The following IL15RA variants were observed in gnomAD, a reference collection of about 807,000 sequenced individuals.
IL15RA encodes the protein interleukin 15 receptor subunit alpha.
IL15RA carries 26 observed loss-of-function variants against 24.2 expected under a neutral mutation model. The observed-to-expected ratio is 1.07, with a 90% CI of 0.79 to 1.49. IL15RA has a LOEUF of 1.49. Ranked by LOEUF, IL15RA falls within the 40% of genes most tolerant of loss-of-function variation. The probability of loss-of-function intolerance (pLI) is 0.00; values close to 1 mark genes in which losing one functional copy is unlikely to be tolerated. For synonymous variants in IL15RA, 166 were observed against 157.6 expected, an observed-to-expected ratio of 1.05 and a Z score of -0.40; for missense variants, 354 against 356.4, an observed-to-expected ratio of 0.99 and a Z score of 0.05.
rs1011730381 is a variant in IL15RA, at chr10:5,962,762, C to G, written c.382+981G>C. 2.0e-5 allele frequency among the ~76,000 whole-genome samples: 3 copies of G among 152,032 alleles called. No homozygotes were observed. Among genetic ancestry groups the G allele is most frequent in the Admixed American group, 2.0e-4 (3 of 15,262 alleles). The stretch of plus-strand genomic sequence containing the variant: ...TATGAATGACAACAGACAGGCCCAT[C>G]CCCCCGGGGGCAAAGGAGTAGACAG... On this transcript the variant is annotated intron_variant, in intron 3 of 6. Coordinates refer to ENST00000379977, the MANE Select transcript of IL15RA (RefSeq NM_002189.4). The surrounding 1 kb of genome is among the most constrained non-coding windows in gnomAD (Gnocchi z 5.2).
In IL15RA at chr10:5,953,071, T is replaced by C; in HGVS notation, c.*24A>G. 1 of 1,547,590 alleles carries C rather than the reference T, an allele frequency of 6.5e-7. No individual in the cohort carries two copies. Among genetic ancestry groups the C allele is most frequent in the Non-Finnish European group, 8.9e-7 (1 of 1,119,072 alleles). On this transcript the variant is annotated 3_prime_UTR_variant, in exon 7 of 7. Transcript: ENST00000379977. This position sits in a 1 kb window ranked among gnomAD's most constrained non-coding sequence, Gnocchi z 5.3. ...CAGAGAGGCTCCTTCACTCCGGACT[T>C]AGCTGGGCTGGTTTCCCCGAGTTTC...
At position 5,976,441 on chromosome 10, in the gene IL15RA, G is replaced by T. The variant is rs531137384; in HGVS notation, c.88+964C>A. 2.0e-5 allele frequency among the ~76,000 whole-genome samples: 3 copies of T among 152,266 alleles called. No individual in the cohort carries two copies. In the East Asian group the frequency reaches 5.8e-4, roughly 29 times the overall value. ...TCATGGCGTTACTAATTCCTATAGA[G>T]AGTCCATGGATGGCCTTCAGTGGGG... On this transcript the variant is annotated intron_variant, in intron 1 of 6. Transcript: ENST00000379977.
chr10:5,969,846 C>A (rs1321206874), intron 1 of IL15RA, among the ~76,000 whole-genome samples: 4 of 152,190 alleles, frequency 2.6e-5, no homozygotes, highest in Non-Finnish European at 5.9e-5. Context: ...TGCAATTTCT[C>A]CAGAAATGTT....
chr10:5,959,419 A>C lies in IL15RA; in HGVS notation c.616+335T>G, dbSNP rs1209916693. Among the ~76,000 whole-genome samples, 1 of 152,176 alleles carries C rather than the reference A, an allele frequency of 6.6e-6. No homozygotes were observed. The highest frequency in any genetic ancestry group is 1.5e-5 in the Non-Finnish European group (1 of 68,026). ...GAGATGCTGTAACGTCAGTGCTGGC[A>C]TCAGCACCTGTAGTTTTGGATGCTC... is the stretch of plus-strand genomic sequence containing the variant. On this transcript the variant is annotated intron_variant, in intron 5 of 6. Transcript: ENST00000379977. This position sits in a 1 kb window ranked among gnomAD's most constrained non-coding sequence, Gnocchi z 4.1.
rs1275145264 is a variant in IL15RA, at chr10:5,975,050, A to G, written c.88+2355T>C. Among the ~76,000 whole-genome samples the G allele has an allele frequency of 1.3e-5, 2 of 151,916 alleles. No homozygotes were observed. Among genetic ancestry groups the G allele is most frequent in the Non-Finnish European group, 2.9e-5 (2 of 67,980 alleles). ...AAAAAAAATTAAACATACACCTGCC[A>G]TATAACACAGCCACTCTACTCCCAA... On this transcript the variant is annotated intron_variant, in intron 1 of 6. Transcript: ENST00000379977. The surrounding 1 kb of genome is among the most constrained non-coding windows in gnomAD (Gnocchi z 4.8).
At chr10:5,976,052 G>T (rs1396289263) in intron 1 of IL15RA, among the ~76,000 whole-genome samples, 1 of 152,220 alleles carries the variant, frequency 6.6e-6, no homozygotes, top group Non-Finnish European at 1.5e-5. Context: ...CAGTCTTCAA[G>T]GAAGACACCT....
At chr10:5,977,285 C>T (rs2274034) in intron 1 of IL15RA, 120 bp downstream of exon 1, 194,246 of 424,044 alleles carry the variant, frequency 0.46, 44,821 homozygotes, top group East Asian at 0.54. Context: ...GCGCACCGCG[C>T]TCCCGAGGGC....
At position 5,960,524 on chromosome 10, in the gene IL15RA, T is replaced by C. The variant is rs1835322425; in HGVS notation, c.426A>G (p.Thr142=). ...SSPSSNNTAA[T]TAAIVPGSQL... is the part of the protein sequence containing the mutation. Reference sequence around the variant, plus strand: ...GGGAGCCCGGGACAATAGCTGCTGTTGTGGCCGCTGTGTTGTTTGAGCTGG... The same window carrying C: ...GGGAGCCCGGGACAATAGCTGCTGTCGTGGCCGCTGTGTTGTTTGAGCTGG... Residue 142 remains threonine, a synonymous_variant, in exon 4 of 7, where the codon ACA becomes ACG. Transcript: ENST00000379977. The surrounding 1 kb of genome is among the most constrained non-coding windows in gnomAD (Gnocchi z 5.1). 5 of 1,614,184 alleles carry C rather than the reference T, an allele frequency of 3.1e-6. No individual in the cohort carries two copies. Among genetic ancestry groups the C allele is most frequent in the Non-Finnish European group, 4.2e-6 (5 of 1,180,026 alleles).
In IL15RA at chr10:5,977,457, G is replaced by A. The variant is rs1274360352; in HGVS notation, c.36C>T (p.Leu12=). 9.5e-6 allele frequency: 13 copies of A among 1,365,640 alleles called. No individual in the cohort carries two copies. The highest frequency in any genetic ancestry group is 1.2e-5 in the Non-Finnish European group (13 of 1,060,688). The allele number at this position is 1,365,640 out of a possible 1,614,324, so 84.6% of individuals were successfully genotyped here. ...GCAGCAGTAGCAGCGCCGGGAGACCGAGGGTCCGGCAGCCGCGCGCCCGCC... is the reference window on the plus strand; with the variant it reads ...GCAGCAGTAGCAGCGCCGGGAGACCAAGGGTCCGGCAGCCGCGCGCCCGCC... ...APRRARGCRT[L]GLPALLLLLL... The change falls in exon 1 of 7, where the codon CTC becomes CTT. Residue 12 remains leucine (L), a synonymous_variant. Transcript: ENST00000379977.
rs1027899511 is a variant in IL15RA at position 5,973,261 on chromosome 10, A to T, written c.88+4144T>A. ...CACCTTAGTGATATTGATTTGTCCA[A>T]CCCATGAACATGGTATATCTCTCCA... On this transcript the variant is annotated intron_variant, in intron 1 of 6. Coordinates refer to ENST00000379977, the MANE Select transcript of IL15RA (RefSeq NM_002189.4). This position sits in a 1 kb window ranked among gnomAD's most constrained non-coding sequence, Gnocchi z 4.5. 1.3e-5 allele frequency among the ~76,000 whole-genome samples: 2 copies of T among 152,330 alleles called. No individual in the cohort carries two copies. Among genetic ancestry groups the T allele is most frequent in the East Asian group, 3.9e-4 (2 of 5,194 alleles).
chr10:5,964,252 G>A lies in IL15RA; in HGVS notation c.284-411C>T, dbSNP rs1024312647. Among the ~76,000 whole-genome samples the A allele has an allele frequency of 4.6e-5, 7 of 152,132 alleles. No homozygotes were observed. The highest frequency in any genetic ancestry group is 1.3e-4 in the Admixed American group (2 of 15,288). Reference sequence around the variant, plus strand: ...CAACTCACTGCAGCCTTGACCTCCCGGGCTCAAGAGATCCTCCTGCCTCAG... The same window carrying A: ...CAACTCACTGCAGCCTTGACCTCCCAGGCTCAAGAGATCCTCCTGCCTCAG... On this transcript the variant is annotated intron_variant, in intron 2 of 6. Transcript: ENST00000379977. The surrounding 1 kb of genome is among the most constrained non-coding windows in gnomAD (Gnocchi z 5.6).
At chr10:5,972,397 A>G (rs555057194) in intron 1 of IL15RA, among the ~76,000 whole-genome samples, 1 of 152,322 alleles carries the variant, frequency 6.6e-6, no homozygotes, top group East Asian at 1.9e-4. Flanking sequence ...TTTTTGAGAC[A>G]GAGTCTCGCT....
chr10:5,974,703 C>T (rs972587580), intron 1 of IL15RA, among the ~76,000 whole-genome samples: 10 of 151,872 alleles, frequency 6.6e-5, no homozygotes, highest in Non-Finnish European at 1.2e-4. Flanking sequence ...ATGGTGAAAC[C>T]CCATCTCTAC....
At position 5,959,727 on chromosome 10, in the gene IL15RA, A is replaced by G. The variant is rs752323821; in HGVS notation, c.616+27T>C. 62 of 1,611,116 alleles carry G rather than the reference A, an allele frequency of 3.8e-5. No individual in the cohort carries two copies. The highest frequency in any genetic ancestry group is 4.4e-5 in the South Asian group (4 of 90,992). Reference sequence around the variant, plus strand: ...GGGACTGCGGTCACCCTGATCATAAACATACCGGACAAAGGGACACACTTA... The same window carrying G: ...GGGACTGCGGTCACCCTGATCATAAGCATACCGGACAAAGGGACACACTTA... On this transcript the variant is annotated intron_variant, in intron 5 of 6. Transcript: ENST00000379977. This position sits in a 1 kb window ranked among gnomAD's most constrained non-coding sequence, Gnocchi z 4.1.
chr10:5,970,733 ATTATTATT>A lies in IL15RA; in HGVS notation c.89-4402_89-4395del, dbSNP rs1314604819. ...TTTTAAAATGATTTTATTTTATTTC[ATTATTATT>A]TTATTTTATTTTATTTTATTTTATT... On this transcript the variant is annotated intron_variant, in intron 1 of 6. Transcript: ENST00000379977. This position sits in a 1 kb window ranked among gnomAD's most constrained non-coding sequence, Gnocchi z 4.1. Among the ~76,000 whole-genome samples, 1 of 141,272 alleles carries A rather than the reference ATTATTATT, an allele frequency of 7.1e-6. No individual in the cohort carries two copies. Among genetic ancestry groups the A allele is most frequent in the Non-Finnish European group, 1.5e-5 (1 of 66,402 alleles). 92.7% of individuals were successfully genotyped at this position (141,272 alleles called of 152,430 possible).
chr10:5,961,090 T>C lies in IL15RA; in HGVS notation c.383-523A>G, dbSNP rs8177703. On this transcript the variant is annotated intron_variant, in intron 3 of 6. Coordinates refer to ENST00000379977, the MANE Select transcript of IL15RA (RefSeq NM_002189.4). The surrounding 1 kb of genome is among the most constrained non-coding windows in gnomAD (Gnocchi z 5.2). ...CCACCACGCCCAGCTAATTTTTGTA[T>C]TTTTAATAGAGATGGGGTTTCACCA... Among the ~76,000 whole-genome samples the C allele has an allele frequency of 0.035, 5,358 of 152,202 alleles. 307 individuals are homozygous for C. The highest frequency in any genetic ancestry group is 0.12 in the African/African-American group (5,068 of 41,508).
rs1835015508 is a variant in IL15RA, at chr10:5,958,968, T to A, written c.616+786A>T. Among the ~76,000 whole-genome samples the A allele has an allele frequency of 6.6e-6, 1 of 152,080 alleles. No homozygotes were observed. Among genetic ancestry groups the A allele is most frequent in the African/African-American group, 2.4e-5 (1 of 41,416 alleles). On this transcript the variant is annotated intron_variant, in intron 5 of 6. Coordinates refer to ENST00000379977, the MANE Select transcript of IL15RA (RefSeq NM_002189.4). This position sits in a 1 kb window ranked among gnomAD's most constrained non-coding sequence, Gnocchi z 4.3. ...CTGCCTGCTTCCCTTCTTCCTCCTGTTCTCCCCTCCTCTCTCAGCTCTCCT... is the reference window on the plus strand; with the variant it reads ...CTGCCTGCTTCCCTTCTTCCTCCTGATCTCCCCTCCTCTCTCAGCTCTCCT...
Position 5,971,469 on chromosome 10 carries a change from C to G in IL15RA, c.89-5130G>C, listed in dbSNP as rs769629713. Among the ~76,000 whole-genome samples the G allele has an allele frequency of 6.6e-6, 1 of 152,220 alleles. No individual in the cohort carries two copies. The highest frequency in any genetic ancestry group is 1.9e-4 in the East Asian group (1 of 5,204). On this transcript the variant is annotated intron_variant, in intron 1 of 6. Coordinates refer to ENST00000379977, the MANE Select transcript of IL15RA (RefSeq NM_002189.4). The surrounding 1 kb of genome is among the most constrained non-coding windows in gnomAD (Gnocchi z 5.5). ...TACAGAGTCTAATAAGAGCTGGCAG[C>G]CTCGGCCTGGTTCCATATCCAGAGT...
rs1267656484 is a variant in IL15RA at position 5,963,177 on chromosome 10, C to T, written c.382+566G>A. Among the ~76,000 whole-genome samples the T allele has an allele frequency of 6.6e-6, 1 of 152,214 alleles. No homozygotes were observed. The highest frequency in any genetic ancestry group is 1.5e-5 in the Non-Finnish European group (1 of 68,040). ...CCTTGGAAGACGGGGACATGGTCTC[C>T]CCTGGAGCAGAGAGCAGGTGTGATT... is the stretch of plus-strand genomic sequence containing the variant. On this transcript the variant is annotated intron_variant, in intron 3 of 6. Transcript: ENST00000379977. The surrounding 1 kb of genome is among the most constrained non-coding windows in gnomAD (Gnocchi z 5.3).
Sources: allele counts gnomAD v4.1 joint callset (sites outside exome capture counted in the v4.1 genomes callset), GRCh38; gene constraint gnomAD v4.1.1; non-coding constraint Gnocchi (gnomAD v3.1); transcripts MANE v1.5; gene names NCBI Gene and HGNC (gene_info 2026-07-23, HGNC 2026-07-21).